Variants in THADA observed in about 807,000 individuals in gnomAD.
THADA encodes THADA armadillo repeat containing.
THADA carries 213 observed loss-of-function variants against 219.8 expected under a neutral mutation model. The ratio of observed to expected loss-of-function variants is 0.97; its 90% CI spans 0.87 to 1.09. THADA has a LOEUF of 1.09. Ranked by LOEUF, THADA falls within the 50% of genes least tolerant of loss-of-function variation. The pLI is 0.00. For missense variants in THADA, 2,956 were observed against 2,311.3 expected, an observed-to-expected ratio of 1.28 and a Z score of -5.72; for synonymous variants, 1,018 against 828.9, an observed-to-expected ratio of 1.23 and a Z score of -3.92.
At chr2:43,504,591 T>C (rs544762418) in intron 24 of THADA, among the ~76,000 whole-genome samples, 4 of 152,300 alleles carry the variant, frequency 2.6e-5, no homozygotes, top group African/African-American at 9.6e-5. Flanking sequence ...AGGAGTGTCC[T>C]ACTATAGGCT....
intron 15 of THADA, among the ~76,000 whole-genome samples, chr2:43,561,050 C>T (rs1450986380): frequency 6.7e-6 from 1 of 148,574 alleles, no homozygotes; most frequent in African/African-American, 2.5e-5. Flanking sequence ...CAAAGTCCTA[C>T]CATATCTTAG....
intron 29 of THADA, among the ~76,000 whole-genome samples, chr2:43,378,873 T>A (rs1333461232): frequency 1.3e-5 from 2 of 152,218 alleles, no homozygotes; most frequent in Non-Finnish European, 2.9e-5. Flanking sequence ...CCCAAAGTGC[T>A]GGGATTGCAG....
intron 23 of THADA, 49 bp from the exon 24 acceptor site, chr2:43,505,784 C>G: frequency 3.0e-6 from 4 of 1,319,844 alleles, no homozygotes; most frequent in Non-Finnish European, 4.3e-6. Flanking sequence ...TTTACATATA[C>G]TTGTTTGCTG....
intron 31 of THADA, among the ~76,000 whole-genome samples, chr2:43,304,584 T>C (rs1013579721): frequency 2.0e-5 from 3 of 152,170 alleles, no homozygotes; most frequent in Non-Finnish European, 4.4e-5. Flanking sequence ...ACATAACTGT[T>C]CTAAAGTTTT....
At chr2:43,265,974 C>A (rs973620919) in intron 36 of THADA, among the ~76,000 whole-genome samples, 1 of 134,146 alleles carries the variant, frequency 7.5e-6, no homozygotes, top group African/African-American at 3.0e-5. Context: ...CACACACACA[C>A]ACACACACAC....
chr2:43,362,661 T>C (rs1669667787), intron 29 of THADA, among the ~76,000 whole-genome samples: 2 of 152,164 alleles, frequency 1.3e-5, no homozygotes, highest in African/African-American at 4.8e-5. Flanking sequence ...TTACGAATAC[T>C]GTATACTTAG....
intron 28 of THADA, among the ~76,000 whole-genome samples, chr2:43,402,768 G>C (rs536040290): frequency 6.6e-5 from 10 of 152,330 alleles, no homozygotes; most frequent in African/African-American, 1.9e-4. Flanking sequence ...GCCATGAGAA[G>C]TAAACACAAG....
chr2:43,328,352 G>T (rs1679567784), intron 30 of THADA, among the ~76,000 whole-genome samples: 1 of 152,216 alleles, frequency 6.6e-6, no homozygotes, highest in South Asian at 2.1e-4. Flanking sequence ...CCCTGGGGGA[G>T]GTGTGACGGC....
At chr2:43,399,405 A>G (rs946385920) in intron 28 of THADA, among the ~76,000 whole-genome samples, 7 of 152,234 alleles carry the variant, frequency 4.6e-5, no homozygotes, top group African/African-American at 1.7e-4. Context: ...AGGGCCCTAC[A>G]ATAGCAATGT....
chr2:43,485,680 G>C lies in THADA; in HGVS notation c.3745-355C>G, dbSNP rs550939902. The stretch of plus-strand genomic sequence containing the variant: ...CAATGAAGATTGCAGTAAAACCTCA[G>C]CTCTTTCCATTTATTTTCTGAAATC... On this transcript the variant is annotated intron_variant, in intron 25 of 37. Transcript: ENST00000405975. 2.0e-5 allele frequency among the ~76,000 whole-genome samples: 3 copies of C among 152,070 alleles called. No homozygotes were observed. The South Asian group carries it at 6.2e-4, about 32-fold the overall frequency.
chr2:43,351,948 G>A (rs192366345), intron 29 of THADA, among the ~76,000 whole-genome samples: 1 of 152,344 alleles, frequency 6.6e-6, no homozygotes, highest in East Asian at 1.9e-4. Flanking sequence ...TAAGGGCAAG[G>A]TTTGGACAGT....
intron 36 of THADA, among the ~76,000 whole-genome samples, chr2:43,269,616 G>A (rs544093475): frequency 3.3e-5 from 5 of 152,192 alleles, no homozygotes; most frequent in African/African-American, 1.2e-4. Flanking sequence ...GAGCTCCACC[G>A]TGCCCACCCA....
chr2:43,573,853 C>A (rs1165262446), intron 11 of THADA, among the ~76,000 whole-genome samples: 1 of 152,064 alleles, frequency 6.6e-6, no homozygotes, highest in African/African-American at 2.4e-5. Context: ...GGGATGTTTA[C>A]CCCTATTCTA....
Position 43,381,086 on chromosome 2 carries a change from C to T in THADA, c.4227+16885G>A, listed in dbSNP as rs190442513. ...ACACTCCAGCCCGGGCGAGACAGAG[C>T]GAGACTTTGTCAAAAAAAAAAAAAA... On this transcript the variant is annotated intron_variant, in intron 29 of 37. Transcript: ENST00000405975. Among the ~76,000 whole-genome samples the T allele has an allele frequency of 1.2e-3, 127 of 107,924 alleles. 1 individual carries two copies. The highest frequency in any genetic ancestry group is 4.5e-3 in the African/African-American group (114 of 25,270). The allele number at this position is 107,924 out of a possible 152,430, so 70.8% of individuals were successfully genotyped here.
At chr2:43,460,069 GA>G (rs369603670) in intron 26 of THADA, among the ~76,000 whole-genome samples, 1 of 151,898 alleles carries the variant, frequency 6.6e-6, no homozygotes, top group African/African-American at 2.4e-5. Flanking sequence ...GTTGATACTG[GA>G]AAAGTCAGTA....
At chr2:43,385,128 G>A (rs1314874200) in intron 29 of THADA, among the ~76,000 whole-genome samples, 2 of 151,764 alleles carry the variant, frequency 1.3e-5, no homozygotes, top group African/African-American at 4.8e-5. Context: ...GCGACAAAGT[G>A]AGACTCTGTC....
intron 30 of THADA, among the ~76,000 whole-genome samples, chr2:43,341,195 G>T (rs1667024951): frequency 6.6e-6 from 1 of 152,146 alleles, no homozygotes; most frequent in Admixed American, 6.5e-5. Flanking sequence ...CCACAAAGCG[G>T]AAAGTTCACA....
intron 29 of THADA, among the ~76,000 whole-genome samples, chr2:43,352,346 T>A (rs970314846): frequency 6.6e-6 from 1 of 152,142 alleles, no homozygotes; most frequent in Non-Finnish European, 1.5e-5. Context: ...TCACCTGATG[T>A]CAGGAGTTCG....
intron 22 of THADA, among the ~76,000 whole-genome samples, chr2:43,512,266 C>T (rs1690575346): frequency 6.6e-6 from 1 of 152,108 alleles, no homozygotes; most frequent in South Asian, 2.1e-4. Flanking sequence ...AGCATCAAAC[C>T]AGCTTTTACG....
Sources: allele counts gnomAD v4.1 joint callset (sites outside exome capture counted in the v4.1 genomes callset), GRCh38; gene constraint gnomAD v4.1.1; transcripts MANE v1.5; gene names NCBI Gene and HGNC (gene_info 2026-07-23, HGNC 2026-07-21).